Variants in NRXN1 observed in about 807,000 individuals in gnomAD.
NRXN1 encodes neurexin 1.
In NRXN1, 39 loss-of-function variants were observed where a neutral mutation model predicts 150.9. The ratio of observed to expected loss-of-function variants is 0.26; its 90% CI spans 0.20 to 0.34. NRXN1 has a LOEUF of 0.34. Among genes scored for constraint, NRXN1 ranks in the 10% least tolerant of loss-of-function variants. NRXN1 has a pLI of 1.00. For synonymous variants in NRXN1, 924 were observed against 757.0 expected, an observed-to-expected ratio of 1.22 and a Z score of -3.62; for missense variants, 1,815 against 1,949.9, an observed-to-expected ratio of 0.93 and a Z score of 1.30.
At chr2:50,489,785 G>T (rs1285772000) in intron 15 of NRXN1, among the ~76,000 whole-genome samples, 4 of 152,128 alleles carry the variant, frequency 2.6e-5, no homozygotes, top group Non-Finnish European at 5.9e-5. Flanking sequence ...AGAGAATAAA[G>T]AATTTACACT....
At chr2:50,081,594 G>A (rs773721386) in intron 19 of NRXN1, among the ~76,000 whole-genome samples, 30 of 152,218 alleles carry the variant, frequency 2.0e-4, no homozygotes, top group Non-Finnish European at 3.4e-4. Flanking sequence ...TACAAGATAC[G>A]AAAAGTGGGT....
Position 50,871,310 on chromosome 2 carries a change from TA to T in NRXN1, c.832+50558del, listed in dbSNP as rs545896919. ...ATTCCTGTATGACATTTTACAAAGC[TA>T]AATGTTTTTTCTAAAAAGCCCTATA... is the stretch of plus-strand genomic sequence containing the variant. On this transcript the variant is annotated intron_variant, in intron 5 of 22. Transcript: ENST00000401669. Among the ~76,000 whole-genome samples the T allele has an allele frequency of 2.6e-5, 4 of 151,974 alleles. No homozygotes were observed. The East Asian group carries it at 7.8e-4, about 30-fold the overall frequency.
rs796098078 is a variant in NRXN1 at position 50,340,461 on chromosome 2, T to C, written c.3365-103491A>G. On this transcript the variant is annotated intron_variant, in intron 17 of 22. Transcript: ENST00000401669. ...GTTGCGAGACAAGTACTAGGCCAAA[T>C]GCACCTTGAGCCTGACCACCACGCC... Among the ~76,000 whole-genome samples, 11 of 152,276 alleles carry C rather than the reference T, an allele frequency of 7.2e-5. No homozygotes were observed. In the East Asian group the frequency reaches 1.4e-3, roughly 19 times the overall value.
intron 2 of NRXN1, among the ~76,000 whole-genome samples, chr2:50,961,051 T>C (rs1693098037): frequency 6.6e-6 from 1 of 151,894 alleles, no homozygotes; most frequent in South Asian, 2.1e-4. Context: ...ACACGTGACT[T>C]TTTTGCCTAC....
At chr2:50,228,403 G>A (rs764091972) in intron 18 of NRXN1, among the ~76,000 whole-genome samples, 39 of 151,918 alleles carry the variant, frequency 2.6e-4, no homozygotes, top group Non-Finnish European at 4.4e-4. Flanking sequence ...AGGCAAGCAC[G>A]GAGTAAAAGA....
Position 51,028,644 on chromosome 2 carries a change from T to G in NRXN1, c.-371A>C, listed in dbSNP as rs543794636. The stretch of plus-strand genomic sequence containing the variant: ...AACTAATTTAAGAGTATCTGCAGTG[T>G]CAACAGATACTTAACTCCTCAAATC... On this transcript the variant is annotated 5_prime_UTR_variant, in exon 2 of 23. The change abolishes the stop of an existing upstream ORF in the 5' untranslated region. Coordinates refer to ENST00000401669, the MANE Select transcript of NRXN1 (RefSeq NM_001330078.2). 1.8e-4 allele frequency: 36 copies of G among 199,048 alleles called. No homozygotes were observed. The highest frequency in any genetic ancestry group is 7.8e-4 in the African/African-American group (34 of 43,518). 12.3% of individuals were successfully genotyped at this position (199,048 alleles called of 1,614,324 possible). A position where few individuals can be genotyped will look rare whatever the true frequency, so the allele number is the denominator to read the frequency against.
intron 13 of NRXN1, among the ~76,000 whole-genome samples, chr2:50,503,165 G>A (rs1458586681): frequency 6.6e-6 from 1 of 151,874 alleles, no homozygotes; most frequent in African/African-American, 2.4e-5. Context: ...AAAATTAGCT[G>A]GGCATGATAG....
chr2:49,935,691 A>G (rs927602927), intron 22 of NRXN1, among the ~76,000 whole-genome samples: 4 of 152,180 alleles, frequency 2.6e-5, no homozygotes, highest in African/African-American at 9.7e-5. Context: ...GGAATTCAGA[A>G]TATGCTTGCT....
intron 19 of NRXN1, among the ~76,000 whole-genome samples, chr2:50,090,331 G>T (rs749419983): frequency 6.6e-5 from 10 of 152,072 alleles, no homozygotes; most frequent in Non-Finnish European, 1.5e-4. Flanking sequence ...TGTGATAGAA[G>T]AATTTAAATA....
intron 16 of NRXN1, among the ~76,000 whole-genome samples, chr2:50,471,340 G>A (rs2089440784): frequency 6.6e-6 from 1 of 151,678 alleles, no homozygotes; most frequent in Non-Finnish European, 1.5e-5. Flanking sequence ...CCACTTATAA[G>A]TGAGTAACAT....
intron 8 of NRXN1, among the ~76,000 whole-genome samples, chr2:50,567,099 A>T (rs1347576615): frequency 6.6e-6 from 1 of 152,160 alleles, no homozygotes; most frequent in Non-Finnish European, 1.5e-5. Flanking sequence ...ACTCTGATTT[A>T]GTGTCACACT....
chr2:50,772,873 A>C (rs991506293), intron 5 of NRXN1, among the ~76,000 whole-genome samples: 4 of 152,116 alleles, frequency 2.6e-5, no homozygotes, highest in African/African-American at 9.7e-5. Flanking sequence ...GTAGATATTC[A>C]TTGAGACATA....
chr2:50,865,615 T>TGTG (rs1559368400), intron 5 of NRXN1, among the ~76,000 whole-genome samples: 3 of 138,382 alleles, frequency 2.2e-5, no homozygotes, highest in Non-Finnish European at 3.1e-5. Context: ...TGTGTGTGTG[T>TGTG]AGTAGCACCT....
intron 17 of NRXN1, among the ~76,000 whole-genome samples, chr2:50,411,697 G>A (rs1317490091): frequency 6.6e-6 from 1 of 151,180 alleles, no homozygotes; most frequent in Non-Finnish European, 1.5e-5. Context: ...TGGGAGGTGG[G>A]GGGGCAGCCC....
chr2:50,711,767 A>G (rs145054134), intron 5 of NRXN1, among the ~76,000 whole-genome samples: 48 of 152,226 alleles, frequency 3.2e-4, no homozygotes, highest in African/African-American at 1.1e-3. Flanking sequence ...TTAGGTTATG[A>G]AGGTGGAACT....
At chr2:50,780,356 A>C (rs139279986) in intron 5 of NRXN1, among the ~76,000 whole-genome samples, 1 of 152,278 alleles carries the variant, frequency 6.6e-6, no homozygotes, top group African/African-American at 2.4e-5. Context: ...CATGACATTA[A>C]ATATACAAAA....
chr2:49,950,348 C>A (rs981747862), intron 21 of NRXN1, among the ~76,000 whole-genome samples: 3 of 151,800 alleles, frequency 2.0e-5, no homozygotes, highest in Non-Finnish European at 4.4e-5. Context: ...ATGTCAATTT[C>A]ATGGCTCACT....
intron 5 of NRXN1, among the ~76,000 whole-genome samples, chr2:50,734,629 G>A (rs2105225782): frequency 6.6e-6 from 1 of 151,930 alleles, no homozygotes; most frequent in African/African-American, 2.4e-5. Flanking sequence ...AATTCACTCT[G>A]GTAGTCTATA....
intron 18 of NRXN1, among the ~76,000 whole-genome samples, chr2:50,100,210 G>A (rs1049976508): frequency 6.6e-6 from 1 of 152,104 alleles, no homozygotes; most frequent in Middle Eastern, 3.2e-3. Context: ...AGCCTTTTGT[G>A]AACCATGTAT....
Sources: gnomAD v4.1 joint callset for allele counts (sites outside exome capture counted in the v4.1 genomes callset) on GRCh38, gnomAD v4.1.1 for gene constraint, MANE v1.5 for transcripts, NCBI Gene and HGNC (gene_info 2026-07-23, HGNC 2026-07-21) for gene names.